The following GRM8 variants were observed in gnomAD, a reference collection of about 807,000 sequenced individuals.
GRM8 encodes the protein metabotropic glutamate receptor 8.
A neutral mutation model predicts 87.2 loss-of-function variants in GRM8; 47 were observed. That is an observed-to-expected ratio of 0.54 (90% CI 0.43 to 0.69). The LOEUF is 0.69. Among genes scored for constraint, GRM8 ranks in the 30% least tolerant of loss-of-function variants. GRM8 has a pLI of 0.00. For synonymous variants in GRM8, 396 were observed against 404.5 expected (o/e 0.98, Z 0.25); for missense variants, 1,019 against 1,139.2 (o/e 0.89, Z 1.52).
intron 8 of GRM8, among the ~76,000 whole-genome samples, chr7:126,576,126 A>G (rs753126632): frequency 6.6e-6 from 1 of 152,200 alleles, no homozygotes; most frequent in Non-Finnish European, 1.5e-5. Context: ...AGGGCCCAGC[A>G]TTATGTAATA....
At chr7:126,812,174 A>G (rs1449111544) in intron 6 of GRM8, among the ~76,000 whole-genome samples, 1 of 152,092 alleles carries the variant, frequency 6.6e-6, no homozygotes, top group Non-Finnish European at 1.5e-5. Context: ...TAAAAAATAC[A>G]GTAAACAACC....
At chr7:126,866,515 C>T (rs1004992337) in intron 6 of GRM8, among the ~76,000 whole-genome samples, 1 of 144,332 alleles carries the variant, frequency 6.9e-6, no homozygotes, top group African/African-American at 2.6e-5. Context: ...AAGATTTATA[C>T]TTTTTTTCCT....
chr7:127,124,458 T>C (rs1827253616), intron 2 of GRM8, among the ~76,000 whole-genome samples: 2 of 152,172 alleles, frequency 1.3e-5, no homozygotes, highest in Non-Finnish European at 2.9e-5. Context: ...TCATCTCCTC[T>C]AGTTCATCTT....
At chr7:126,482,787 G>A (rs1437682815) in intron 9 of GRM8, among the ~76,000 whole-genome samples, 1 of 151,890 alleles carries the variant, frequency 6.6e-6, no homozygotes, top group Admixed American at 6.6e-5. Flanking sequence ...AAATGGTTGA[G>A]AGTAAATTTT....
At position 127,053,800 on chromosome 7, in the gene GRM8, G is replaced by GGA. The variant is rs71992456; in HGVS notation, c.727+52695_727+52696insTC. ...GAGACTCTGTCTCAAAAAAAAAAAGGGGGGGGGGAATATACATTTCATCTT... is the reference window on the plus strand; with the variant it reads ...GAGACTCTGTCTCAAAAAAAAAAAGGGAGGGGGGGGAATATACATTTCATCTT... On this transcript the variant is annotated intron_variant, in intron 3 of 10. Coordinates refer to ENST00000339582, the MANE Select transcript of GRM8 (RefSeq NM_000845.3). Among the ~76,000 whole-genome samples, 8 of 136,232 alleles carry GGA rather than the reference G, an allele frequency of 5.9e-5. 2 individuals carry two copies. The highest frequency in any genetic ancestry group is 1.3e-4 in the Non-Finnish European group (8 of 62,466). 89.4% of individuals were successfully genotyped at this position (136,232 alleles called of 152,430 possible).
At chr7:126,931,613 G>A (rs1314578267) in intron 3 of GRM8, among the ~76,000 whole-genome samples, 1 of 151,968 alleles carries the variant, frequency 6.6e-6, no homozygotes, top group Non-Finnish European at 1.5e-5. Context: ...TAATTTCAGA[G>A]GGCAGAAGTC....
chr7:126,479,964 C>T (rs563416930), intron 9 of GRM8, among the ~76,000 whole-genome samples: 1 of 152,024 alleles, frequency 6.6e-6, no homozygotes, highest in African/African-American at 2.4e-5. Context: ...AAAAAATCAA[C>T]CAGAATGTGA....
At chr7:126,695,672 A>G (rs1247345340) in intron 7 of GRM8, among the ~76,000 whole-genome samples, 1 of 152,198 alleles carries the variant, frequency 6.6e-6, no homozygotes, top group Non-Finnish European at 1.5e-5. Flanking sequence ...CCAGATGATT[A>G]AGGTTTTTAT....
At chr7:126,616,233 G>T (rs1010542820) in intron 7 of GRM8, among the ~76,000 whole-genome samples, 86 of 152,240 alleles carry the variant, frequency 5.6e-4, no homozygotes, top group Non-Finnish European at 1.0e-3. Flanking sequence ...ACTCAAAACT[G>T]CTCAACTACA....
At chr7:127,051,738 GCAAAAAAAAAAAAAAAA>G (rs1171035091) in intron 3 of GRM8, among the ~76,000 whole-genome samples, 1 of 13,050 alleles carries the variant, frequency 7.7e-5, no homozygotes, top group Non-Finnish European at 1.9e-4. Context: ...ATAATGTTGA[GCAAAAAAAAAAAAAAAA>G]AAAAAAAAAA....
At chr7:127,092,467 AG>A (rs1824234202) in intron 3 of GRM8, among the ~76,000 whole-genome samples, 2 of 152,214 alleles carry the variant, frequency 1.3e-5, no homozygotes, top group Non-Finnish European at 2.9e-5. Context: ...AGGCCAAGGC[AG>A]GTGGATCTCT....
intron 3 of GRM8, among the ~76,000 whole-genome samples, chr7:126,948,686 T>G (rs1383420089): frequency 2.0e-5 from 3 of 152,082 alleles, no homozygotes; most frequent in Non-Finnish European, 2.9e-5. Flanking sequence ...CTCTAGTCTC[T>G]GTTGGATTTC....
At chr7:126,849,288 G>C (rs1277534962) in intron 6 of GRM8, among the ~76,000 whole-genome samples, 1 of 148,964 alleles carries the variant, frequency 6.7e-6, no homozygotes, top group East Asian at 2.0e-4. Context: ...AAGCATATAG[G>C]GAATACTTTA....
chr7:127,194,977 C>T (rs2116511055), intron 2 of GRM8, among the ~76,000 whole-genome samples: 1 of 152,138 alleles, frequency 6.6e-6, no homozygotes, highest in African/African-American at 2.4e-5. Flanking sequence ...AATAAAGTTT[C>T]ATGTTGACTT....
intron 7 of GRM8, among the ~76,000 whole-genome samples, chr7:126,747,093 A>G (rs950586305): frequency 6.6e-6 from 1 of 151,994 alleles, no homozygotes; most frequent in South Asian, 2.1e-4. Flanking sequence ...TCCCAACACT[A>G]TATTACACTA....
chr7:126,936,290 A>C (rs993556643), intron 3 of GRM8, among the ~76,000 whole-genome samples: 6 of 152,158 alleles, frequency 3.9e-5, no homozygotes, highest in Non-Finnish European at 1.5e-5. Context: ...AGAGCTGAGT[A>C]ACAGGACCTA....
At chr7:126,684,095 G>A (rs998412590) in intron 7 of GRM8, among the ~76,000 whole-genome samples, 5 of 152,046 alleles carry the variant, frequency 3.3e-5, no homozygotes, top group Admixed American at 1.3e-4. Flanking sequence ...GAAGTAGAGA[G>A]GATGGAAGAC....
chr7:127,026,308 T>C (rs893612544), intron 3 of GRM8, among the ~76,000 whole-genome samples: 2 of 152,162 alleles, frequency 1.3e-5, no homozygotes, highest in Non-Finnish European at 2.9e-5. Context: ...ACAATAAACA[T>C]ACGTGTGCAT....
At chr7:127,017,041 T>C (rs913389375) in intron 3 of GRM8, among the ~76,000 whole-genome samples, 1 of 152,086 alleles carries the variant, frequency 6.6e-6, no homozygotes, top group African/African-American at 2.4e-5. Flanking sequence ...TTCATACCTA[T>C]TAATTTCAAA....
Sources: gnomAD v4.1 joint callset for allele counts (sites outside exome capture counted in the v4.1 genomes callset) on GRCh38, gnomAD v4.1.1 for gene constraint, MANE v1.5 for transcripts, NCBI Gene and HGNC (gene_info 2026-07-23, HGNC 2026-07-21) for gene names.